Variants in TAF6 observed in about 807,000 individuals in gnomAD.
TAF6 encodes the protein TATA-box binding protein associated factor 6.
Under a neutral mutation model 73.5 loss-of-function variants are expected in TAF6, and 50 were observed. That is an observed-to-expected ratio of 0.68 (90% CI 0.54 to 0.86). TAF6 has a LOEUF of 0.86. Ranked by LOEUF, TAF6 falls within the 40% of genes least tolerant of loss-of-function variation. The pLI is 0.00. For missense variants in TAF6, 768 were observed against 899.5 expected (o/e 0.85, Z 1.87); for synonymous variants, 424 against 376.7 (o/e 1.13, Z -1.45).
At chr7:100,126,000 T>C in the TAF6 span, among the ~76,000 whole-genome samples, 3 of 152,082 alleles carry the variant, frequency 2.0e-5, no homozygotes, top group African/African-American at 7.2e-5. Flanking sequence ...TCCTGGCTAA[T>C]ACGGTGAAAG....
rs1562936453 is a variant in TAF6, at chr7:100,119,355, GC to G, written c.-212del. 9.6e-7 allele frequency: 1 copy of G among 1,039,942 alleles called. No individual in the cohort carries two copies. Among genetic ancestry groups the G allele is most frequent in the Non-Finnish European group, 1.2e-6 (1 of 863,000 alleles). 64.4% of individuals were successfully genotyped at this position (1,039,942 alleles called of 1,614,324 possible). A position where few individuals can be genotyped will look rare whatever the true frequency, so the allele number is the denominator to read the frequency against. On this transcript the variant is annotated 5_prime_UTR_variant, in exon 1 of 15. Transcript: ENST00000453269. ...CGGCGCTCGGCGCCATCTTGGCCCC[GC>G]CCCCTCGTGGGAGCAGGTCCTGGCA...
In TAF6 at chr7:100,110,025, T is replaced by A. The variant is rs769485232; in HGVS notation, c.1207A>T (p.Ile403Phe). The A allele has an allele frequency of 2.5e-6, 4 of 1,614,138 alleles. No homozygotes were observed. Among genetic ancestry groups the A allele is most frequent in the Non-Finnish European group, 2.5e-6 (3 of 1,180,028 alleles). ...ACAGGGCCGTCCAGCACACTGCGGA[T>A]CCGCTCCCCTTCCTGCTGCAGCCGG... ...LPRLQQEGER[I>F]RSVLDGPVLS... The change falls in exon 12 of 15, where the codon ATC becomes TTC. Residue 403 changes from isoleucine (I) to phenylalanine (F), a missense_variant. By Grantham distance (21) the Ile-to-Phe change is conservative. Around this residue, in one of 5 missense-constraint regions of TAF6, gnomAD observed 69 missense variants for 105.4 expected, o/e 0.65. Coordinates refer to ENST00000453269, the MANE Select transcript of TAF6 (RefSeq NM_139315.3).
chr7:100,114,898 CT>C (rs1176252882), intron 1 of TAF6, among the ~76,000 whole-genome samples: 1 of 152,122 alleles, frequency 6.6e-6, no homozygotes, highest in Non-Finnish European at 1.5e-5. Context: ...GGCTGTTGTT[CT>C]AGCTACTCAG....
intron 6 of TAF6, among the ~76,000 whole-genome samples, chr7:100,112,512 A>G (rs1797283110): frequency 6.6e-6 from 1 of 151,962 alleles, no homozygotes; most frequent in Admixed American, 6.6e-5. Context: ...TGAGTTTGAA[A>G]CCAGCCTGGC....
chr7:100,110,236 A>T lies in TAF6; in HGVS notation c.1122T>A (p.Tyr374Ter), dbSNP rs746100962. The T allele has an allele frequency of 6.2e-7, 1 of 1,614,192 alleles. No individual in the cohort carries two copies. ...GCTCAGCCAAGCCTGCGATGGAGCC[A>T]TAACGAGTCGTCCAGGGCGTCTTCT... ...VDEKTPWTTR[Y>*]GSIAGLAELG... Residue 374 changes from tyrosine (Y) to a stop codon, truncating the protein, a stop_gained, in exon 11 of 15, where the codon TAT becomes TAA. Transcript: ENST00000453269. LOFTEE classifies it high-confidence loss of function.
intron 10 of TAF6, 161 bp from the exon 11 acceptor site, chr7:100,110,435 G>A (rs978997806): frequency 1.8e-5 from 12 of 656,146 alleles, no homozygotes; most frequent in Admixed American, 1.0e-4. Context: ...GGGAGGCCGA[G>A]GCAGGCAGAT....
chr7:100,121,646 T>C (rs985784187), upstream of TAF6, among the ~76,000 whole-genome samples: 2 of 151,660 alleles, frequency 1.3e-5, no homozygotes, highest in African/African-American at 2.4e-5. Context: ...GGTTTCACCA[T>C]GTGGGCCAGG....
intron 3 of TAF6, 21 bp downstream of exon 3, chr7:100,113,847 C>G (rs4134899): frequency 8.7e-6 from 14 of 1,612,912 alleles, no homozygotes; most frequent in African/African-American, 6.7e-5. Context: ...CACCCCCCCC[C>G]CGCCTGTCTC....
At chr7:100,121,693 G>C (rs1408631847), upstream of TAF6, among the ~76,000 whole-genome samples, 1 of 151,798 alleles carries the variant, frequency 6.6e-6, no homozygotes, top group African/African-American at 2.4e-5. Context: ...GCCCGCCTCA[G>C]CCTCCCAAAG....
At chr7:100,122,066 A>AAT, upstream of TAF6, 6 of 537,658 alleles carry the variant, frequency 1.1e-5, no homozygotes, top group African/African-American at 7.7e-5. Flanking sequence ...AAAAAAAAAA[A>AAT]GATGAAGAAA....
Position 100,113,846 on chromosome 7 carries a change from C to T in TAF6, c.243+22G>A, listed in dbSNP as rs201261139. 1.1e-3 allele frequency: 1,840 copies of T among 1,613,136 alleles called. 28 individuals carry two copies. In the South Asian group the frequency reaches 0.017, roughly 15 times the overall value. ...CTGAAGGATGGCGTCTCACCCCCCC[C>T]CCGCCTGTCTCCCCAAATCACCTCG... is the stretch of plus-strand genomic sequence containing the variant. On this transcript the variant is annotated intron_variant, in intron 3 of 14. Coordinates refer to ENST00000453269, the MANE Select transcript of TAF6 (RefSeq NM_139315.3).
intron 5 of TAF6, among the ~76,000 whole-genome samples, 191 bp from the exon 6 acceptor site, chr7:100,113,108 T>C (rs746986403): frequency 1.3e-5 from 2 of 151,740 alleles, no homozygotes; most frequent in Non-Finnish European, 2.9e-5. Context: ...CTACTAAAAT[T>C]ACAAAAAATT....
In TAF6 at chr7:100,114,027, T is replaced by C. The variant is rs1296480836; in HGVS notation, c.156+27A>G. 4 of 1,613,932 alleles carry C rather than the reference T, an allele frequency of 2.5e-6. No individual in the cohort carries two copies. The Admixed American group carries it at 5.0e-5, about 20-fold the overall frequency. ...GGCCCTGGGTGACATGGACCCAATG[T>C]AGAGCTGGACAGAAGGGCCGGGTCA... On this transcript the variant is annotated intron_variant, in intron 2 of 14. Transcript: ENST00000453269.
chr7:100,124,414 C>T, upstream of TAF6: 1 of 880,508 alleles, frequency 1.1e-6, no homozygotes. Context: ...TCCTGGCTAC[C>T]TGCCTCTCCA....
the TAF6 span, chr7:100,127,153 T>C: frequency 2.0e-6 from 1 of 505,212 alleles, no homozygotes. The surrounding 1 kb of genome is among the most constrained non-coding windows in gnomAD (Gnocchi z 4.6). Context: ...GCGAACGGAA[T>C]GGGGCGGGGG....
rs200194963 is a variant in TAF6, at chr7:100,113,577, T to C, written c.397+39A>G. The C allele has an allele frequency of 5.7e-5, 92 of 1,608,408 alleles. No homozygotes were observed. The Admixed American group carries it at 1.3e-3, about 22-fold the overall frequency. The stretch of plus-strand genomic sequence containing the variant: ...CACACCTACACACATCTGTCCTCCT[T>C]TCCCTCCTCCCTGCCACCCTGCTCT... On this transcript the variant is annotated intron_variant, in intron 4 of 14. Transcript: ENST00000453269.
At chr7:100,121,859 G>C (rs1018010854), upstream of TAF6, among the ~76,000 whole-genome samples, 2 of 150,472 alleles carry the variant, frequency 1.3e-5, no homozygotes, top group African/African-American at 4.9e-5. Flanking sequence ...GACCATCCTG[G>C]CTAACACGGT....
At chr7:100,122,555 A>G (rs1433948570), upstream of TAF6, 3 of 1,611,970 alleles carry the variant, frequency 1.9e-6, no homozygotes, top group Non-Finnish European at 2.5e-6. Flanking sequence ...GCTGAGCGCA[A>G]GGGCTCACTG....
At chr7:100,107,702 C>G (rs1796686273) in intron 14 of TAF6, 79 bp from the exon 15 acceptor site, 2 of 1,550,342 alleles carry the variant, frequency 1.3e-6, no homozygotes, top group Admixed American at 2.1e-5. Context: ...GCTTCACTCG[C>G]TCCCTGCCTG....
Sources: allele counts gnomAD v4.1 joint callset (sites outside exome capture counted in the v4.1 genomes callset), GRCh38; gene constraint gnomAD v4.1.1; regional missense constraint gnomAD v4.1.1; non-coding constraint Gnocchi (gnomAD v3.1); transcripts MANE v1.5; gene names NCBI Gene and HGNC (gene_info 2026-07-23, HGNC 2026-07-21).